Variants in CPQ observed in about 807,000 individuals in gnomAD.
The protein encoded by CPQ is Ser-Met dipeptidase.
In CPQ, 37 loss-of-function variants were observed where a neutral mutation model predicts 45.7. The observed-to-expected ratio is 0.81, with a 90% CI of 0.62 to 1.07. The LOEUF (loss-of-function observed/expected upper bound fraction) is 1.07. Ranked by LOEUF, CPQ falls within the 50% of genes least tolerant of loss-of-function variation. CPQ has a pLI of 0.00. For missense variants in CPQ, 537 were observed against 572.9 expected (o/e 0.94, Z 0.64); for synonymous variants, 186 against 205.8 (o/e 0.90, Z 0.82).
chr8:96,832,526 T>A (rs1273689062), intron 2 of CPQ, among the ~76,000 whole-genome samples: 1 of 152,036 alleles, frequency 6.6e-6, no homozygotes, highest in Non-Finnish European at 1.5e-5. Flanking sequence ...TGGAGGAAAT[T>A]ACAGTTTAAG....
rs151080081 is a variant in CPQ at position 97,139,761 on chromosome 8, A to G, written c.1256-3259A>G. Among the ~76,000 whole-genome samples, 201 of 152,226 alleles carry G rather than the reference A, an allele frequency of 1.3e-3. 1 individual carries two copies. The highest frequency in any genetic ancestry group is 3.4e-3 in the Middle Eastern group (1 of 292). ...AGTATTGAGGGAAGATTATAGCCTT[A>G]CTGCTTATGCTAGAGACAAAGTACG... On this transcript the variant is annotated intron_variant, in intron 7 of 7. Transcript: ENST00000220763.
intron 5 of CPQ, among the ~76,000 whole-genome samples, chr8:97,016,009 G>T (rs1362685256): frequency 6.6e-6 from 1 of 151,490 alleles, no homozygotes; most frequent in Non-Finnish European, 1.5e-5. Context: ...CTAATTTTTT[G>T]TTTCTCTCAA....
At chr8:96,724,916 A>G (rs576326237) in intron 1 of CPQ, among the ~76,000 whole-genome samples, 1 of 152,336 alleles carries the variant, frequency 6.6e-6, no homozygotes, top group East Asian at 1.9e-4. Flanking sequence ...TAGAGATCCC[A>G]GAAATAAAGC....
intron 1 of CPQ, among the ~76,000 whole-genome samples, chr8:96,774,576 C>A (rs1241190475): frequency 6.6e-6 from 1 of 151,968 alleles, no homozygotes; most frequent in Non-Finnish European, 1.5e-5. Flanking sequence ...AATTTGAAGG[C>A]AGAATTACAG....
intron 1 of CPQ, among the ~76,000 whole-genome samples, chr8:96,683,195 A>C (rs953817993): frequency 1.3e-5 from 2 of 152,048 alleles, no homozygotes; most frequent in Non-Finnish European, 2.9e-5. Context: ...TATTTCCTGC[A>C]GGGCTGATCT....
chr8:96,852,195 GCCTGTTACTGAAT>G (rs1401494761), intron 3 of CPQ, among the ~76,000 whole-genome samples: 1 of 152,156 alleles, frequency 6.6e-6, no homozygotes, highest in Non-Finnish European at 1.5e-5. Flanking sequence ...ACTTGCCCTT[GCCTGTTACTGAAT>G]CCTGTTCCAG....
intron 2 of CPQ, among the ~76,000 whole-genome samples, chr8:96,791,950 C>T (rs137879469): frequency 3.3e-5 from 5 of 152,330 alleles, no homozygotes; most frequent in African/African-American, 1.2e-4. Context: ...TAAGGGATCA[C>T]TGAAGCTAGA....
At chr8:96,824,198 T>A (rs1010619688) in intron 2 of CPQ, among the ~76,000 whole-genome samples, 3 of 152,026 alleles carry the variant, frequency 2.0e-5, no homozygotes, top group African/African-American at 7.2e-5. Context: ...TAGAAATAGA[T>A]CTCCATCAGA....
chr8:96,747,206 G>A (rs767445735), intron 1 of CPQ, among the ~76,000 whole-genome samples: 1 of 151,274 alleles, frequency 6.6e-6, no homozygotes, highest in Admixed American at 6.6e-5. Context: ...CAGGAGAATC[G>A]CTTGAACCCA....
intron 6 of CPQ, among the ~76,000 whole-genome samples, chr8:97,047,831 T>A (rs73281762): frequency 6.6e-6 from 1 of 152,186 alleles, no homozygotes; most frequent in Non-Finnish European, 1.5e-5. Flanking sequence ...AAAGACTGCG[T>A]TCAGAGCGGA....
chr8:97,121,503 CT>C (rs988257000), intron 7 of CPQ, among the ~76,000 whole-genome samples: 9 of 152,114 alleles, frequency 5.9e-5, no homozygotes, highest in Non-Finnish European at 1.2e-4. Flanking sequence ...AAAAACAAGA[CT>C]TGAAAGGATC....
At chr8:96,693,889 G>A (rs1004225479) in intron 1 of CPQ, among the ~76,000 whole-genome samples, 1 of 152,052 alleles carries the variant, frequency 6.6e-6, no homozygotes, top group African/African-American at 2.4e-5. Context: ...ATGAGGTGAT[G>A]AAAAATAATA....
At chr8:96,709,441 T>TTTTTTTTTTTTTTTTTTTTTTTTTTTTGA (rs1809578767) in intron 1 of CPQ, among the ~76,000 whole-genome samples, 1 of 152,134 alleles carries the variant, frequency 6.6e-6, no homozygotes, top group Non-Finnish European at 1.5e-5. Context: ...TTCCTTTTTA[T>TTTTTTTTTTTTTTTTTTTTTTTTTTTTGA]GGCTGAGTTG....
At chr8:96,645,504 G>A (rs1382067755) in intron 1 of CPQ, 102 bp downstream of exon 1, 1 of 152,684 alleles carries the variant, frequency 6.5e-6, no homozygotes, top group Admixed American at 6.5e-5. Flanking sequence ...CAGGCCAGGG[G>A]CGGGGGCAGA....
At chr8:96,729,768 T>G (rs1158961843) in intron 1 of CPQ, among the ~76,000 whole-genome samples, 2 of 152,306 alleles carry the variant, frequency 1.3e-5, no homozygotes, top group Non-Finnish European at 2.9e-5. Flanking sequence ...AAATTCAAAT[T>G]GCTCAATTGT....
intron 6 of CPQ, among the ~76,000 whole-genome samples, chr8:97,034,936 G>T (rs942763469): frequency 6.0e-5 from 9 of 150,934 alleles, no homozygotes; most frequent in African/African-American, 2.2e-4. Flanking sequence ...TGTCCCCCAG[G>T]CTGGAATGCA....
rs1467755527 is a variant in CPQ, at chr8:96,696,379, CATGTGTACGT to C, written c.-35+50982_-35+50991del. ...GTGGGTGCAGTGCACCAGCATGGCACATGTGTACGTATGTAACTAACCTGCACATTGTGCA... is the reference window on the plus strand; with the variant it reads ...GTGGGTGCAGTGCACCAGCATGGCACATGTAACTAACCTGCACATTGTGCA... On this transcript the variant is annotated intron_variant, in intron 1 of 7. Transcript: ENST00000220763. Among the ~76,000 whole-genome samples, 69 of 151,790 alleles carry C rather than the reference CATGTGTACGT, an allele frequency of 4.5e-4. 1 individual carries two copies. Among genetic ancestry groups the C allele is most frequent in the African/African-American group, 1.6e-3 (67 of 41,316 alleles).
At chr8:96,876,754 C>A (rs933643421) in intron 3 of CPQ, among the ~76,000 whole-genome samples, 1 of 152,110 alleles carries the variant, frequency 6.6e-6, no homozygotes, top group Non-Finnish European at 1.5e-5. Context: ...GTTAAATCAA[C>A]TTTGTGTTCC....
At chr8:96,709,286 C>G (rs1809576866) in intron 1 of CPQ, among the ~76,000 whole-genome samples, 1 of 152,016 alleles carries the variant, frequency 6.6e-6, no homozygotes, top group Non-Finnish European at 1.5e-5. Context: ...ATCCATTATA[C>G]CAAGCTGTAT....
Sources: gnomAD v4.1 joint callset for allele counts (sites outside exome capture counted in the v4.1 genomes callset) on GRCh38, gnomAD v4.1.1 for gene constraint, MANE v1.5 for transcripts, NCBI Gene and HGNC (gene_info 2026-07-23, HGNC 2026-07-21) for gene names.